Variants in LAMC2 observed in about 807,000 individuals in gnomAD.
LAMC2 encodes the protein laminin subunit gamma-2.
In LAMC2, 97 loss-of-function variants were observed where a neutral mutation model predicts 140.2. That is an observed-to-expected ratio of 0.69 (90% CI 0.59 to 0.82). LAMC2 has a LOEUF of 0.82. Ranked by LOEUF, LAMC2 falls within the 40% of genes least tolerant of loss-of-function variation. The pLI is 0.00. For missense variants in LAMC2, 1,402 were observed against 1,476.1 expected, an observed-to-expected ratio of 0.95 and a Z score of 0.82; for synonymous variants, 513 against 540.2, an observed-to-expected ratio of 0.95 and a Z score of 0.70.
In LAMC2 at chr1:183,227,657, G is replaced by A. The variant is rs748932576; in HGVS notation, c.1428G>A (p.Thr476=). 34 of 1,614,008 alleles carry A rather than the reference G, an allele frequency of 2.1e-5. No individual in the cohort carries two copies. The highest frequency in any genetic ancestry group is 1.9e-5 in the Non-Finnish European group (23 of 1,180,034). ...NGFSCSVMPE[T]EEVVCNNCPP... ...TCAGCTGCTCAGTGATGCCGGAGAC[G>A]GAGGAGGTGGTGTGCAATAACTGCC... Residue 476 remains threonine, a synonymous_variant, in exon 10 of 23, where the codon ACG becomes ACA. Coordinates refer to ENST00000264144, the MANE Select transcript of LAMC2 (RefSeq NM_005562.3).
chr1:183,208,973 C>G (rs1052712995), intron 2 of LAMC2, among the ~76,000 whole-genome samples: 15 of 149,600 alleles, frequency 1.0e-4, no homozygotes, highest in African/African-American at 3.7e-4. Context: ...GCCACCGCGC[C>G]TGGCTAGTTG....
At chr1:183,238,822 C>G (rs971207586) in intron 19 of LAMC2, among the ~76,000 whole-genome samples, 1 of 152,166 alleles carries the variant, frequency 6.6e-6, no homozygotes, top group Non-Finnish European at 1.5e-5. Flanking sequence ...CTGGTTGGTT[C>G]CAGTATGGAA....
chr1:183,240,192 A>G lies in LAMC2; in HGVS notation c.3222A>G (p.Val1074=). 2 of 1,614,262 alleles carry G rather than the reference A, an allele frequency of 1.2e-6. No homozygotes were observed. The highest frequency in any genetic ancestry group is 1.7e-6 in the Non-Finnish European group (2 of 1,180,044). ...ELEFDTNMDA[V]QMVITEAQKV... ...AGTTTGACACGAATATGGATGCAGT[A>G]CAGATGGTGAGTTCCTGTTGCTTTC... The change falls in exon 21 of 23, where the codon GTA becomes GTG. Residue 1074 remains valine, a synonymous_variant. Transcript: ENST00000264144.
At chr1:183,199,888 G>A (rs879625724) in intron 1 of LAMC2, among the ~76,000 whole-genome samples, 2 of 152,230 alleles carry the variant, frequency 1.3e-5, no homozygotes, top group Non-Finnish European at 2.9e-5. Flanking sequence ...GTGCAGCCTA[G>A]ATCTGTGCAT....
intron 21 of LAMC2, 47 bp downstream of exon 21, chr1:183,240,245 A>G (rs1463476874): frequency 1.2e-6 from 2 of 1,614,198 alleles, no homozygotes; most frequent in Admixed American, 1.7e-5. Context: ...AACTTGCCAA[A>G]ATGGAAAATA....
At position 183,232,795 on chromosome 1, in the gene LAMC2, C is replaced by G. The variant is rs753788452; in HGVS notation, c.2158C>G (p.His720Asp). 2.5e-6 allele frequency: 4 copies of G among 1,614,110 alleles called. No homozygotes were observed. The highest frequency in any genetic ancestry group is 3.4e-6 in the Non-Finnish European group (4 of 1,179,972). ...SQYQNRVRDT[H>D]RLITQMQLSL... is the part of the protein sequence containing the mutation. ...GTACCAGAACCGAGTTCGGGATACTCACAGGCTCATCACTCAGATGCAGCT... is the reference window on the plus strand; with the variant it reads ...GTACCAGAACCGAGTTCGGGATACTGACAGGCTCATCACTCAGATGCAGCT... The change falls in exon 14 of 23, where the codon CAC (histidine) becomes GAC (aspartate). Residue 720 changes from histidine (H) to aspartate (D), a missense_variant. Coordinates refer to ENST00000264144, the MANE Select transcript of LAMC2 (RefSeq NM_005562.3).
chr1:183,225,080 A>G (rs1172399844), intron 7 of LAMC2, among the ~76,000 whole-genome samples: 6 of 152,228 alleles, frequency 3.9e-5, no homozygotes, highest in Non-Finnish European at 8.8e-5. Flanking sequence ...AACAAAATTT[A>G]GAAGAACAGC....
At chr1:183,255,472 T>A in the LAMC2 span, among the ~76,000 whole-genome samples, 1 of 152,206 alleles carries the variant, frequency 6.6e-6, no homozygotes, top group Non-Finnish European at 1.5e-5. Flanking sequence ...ATTGGGATTT[T>A]GATAGGTATT....
At position 183,244,123 on chromosome 1, in the gene LAMC2, C is replaced by G. The variant is rs887978526; in HGVS notation, c.*723C>G. 6.6e-6 allele frequency: 1 copy of G among 152,220 alleles called. No homozygotes were observed. Among genetic ancestry groups the G allele is most frequent in the African/African-American group, 2.4e-5 (1 of 41,448 alleles). The allele number at this position is 152,220 out of a possible 1,614,324, so 9.4% of individuals were successfully genotyped here. A position where few individuals can be genotyped will look rare whatever the true frequency, so the allele number is the denominator to read the frequency against. On this transcript the variant is annotated 3_prime_UTR_variant, in exon 23 of 23. Transcript: ENST00000264144. Reference sequence around the variant, plus strand: ...CTTAGAGATTGCATTTTTATTAAAGCATTTCCTACCAGCAAAGCAAATGTT... The same window carrying G: ...CTTAGAGATTGCATTTTTATTAAAGGATTTCCTACCAGCAAAGCAAATGTT...
chr1:183,235,367 T>A (rs992426555), intron 15 of LAMC2, among the ~76,000 whole-genome samples: 17 of 152,178 alleles, frequency 1.1e-4, no homozygotes, highest in Non-Finnish European at 1.5e-4. Context: ...ACGGAAAAGA[T>A]CACTACAAGG....
In LAMC2 at chr1:183,222,189, C is replaced by T; in HGVS notation, c.741C>T (p.Asp247=). 4 of 1,614,004 alleles carry T rather than the reference C, an allele frequency of 2.5e-6. No individual in the cohort carries two copies. The highest frequency in any genetic ancestry group is 3.4e-6 in the Non-Finnish European group (4 of 1,179,906). The change falls in exon 6 of 23, where the codon GAC becomes GAT. Residue 247 remains aspartate (D), a synonymous_variant. Transcript: ENST00000264144. ...QDVFSSAQRL[D]PVYFVAPAKF... is the part of the protein sequence containing the mutation. Reference sequence around the variant, plus strand: ...TGTTTAGCTCAGCCCAACGACTAGACCCTGTCTATTTTGTGGCTCCTGGTA... The same window carrying T: ...TGTTTAGCTCAGCCCAACGACTAGATCCTGTCTATTTTGTGGCTCCTGGTA...
intron 1 of LAMC2, among the ~76,000 whole-genome samples, chr1:183,193,534 T>A (rs1482271160): frequency 6.6e-6 from 1 of 152,194 alleles, no homozygotes; most frequent in Non-Finnish European, 1.5e-5. Flanking sequence ...TTTCAAATCA[T>A]GGCCCATTTT....
chr1:183,215,354 T>C, intron 2 of LAMC2, 99 bp from the exon 3 acceptor site: 1 of 1,354,770 alleles, frequency 7.4e-7, no homozygotes. Context: ...TCTTACTTCG[T>C]GTTTACGGAG....
At chr1:183,247,174 T>A (rs1317271725), downstream of LAMC2, among the ~76,000 whole-genome samples, 2 of 151,988 alleles carry the variant, frequency 1.3e-5, no homozygotes, top group African/African-American at 2.4e-5. Flanking sequence ...TAACTGCGCA[T>A]GGTGGCAGGC....
rs1659220701 is a variant in LAMC2, at chr1:183,215,434, C to T, written c.269-19C>T. ...TATTTCTTCTTCTTCTTTCCTTTCC[C>T]CTACCTTGTGGGTTTCAGGTTCTCT... On this transcript the variant is annotated intron_variant, in intron 2 of 22. Coordinates refer to ENST00000264144, the MANE Select transcript of LAMC2 (RefSeq NM_005562.3). 6.2e-7 allele frequency: 1 copy of T among 1,613,896 alleles called. No individual in the cohort carries two copies. Among genetic ancestry groups the T allele is most frequent in the Non-Finnish European group, 8.5e-7 (1 of 1,179,960 alleles).
chr1:183,197,200 G>A (rs181055026), intron 1 of LAMC2, among the ~76,000 whole-genome samples: 1 of 152,284 alleles, frequency 6.6e-6, no homozygotes, highest in Admixed American at 6.5e-5. Context: ...AGTGGAGATG[G>A]ACTTGATTGG....
rs756576344 is a variant in LAMC2 at position 183,231,118 on chromosome 1, C to T, written c.1857+15C>T. 4.3e-6 allele frequency: 7 copies of T among 1,613,888 alleles called. No homozygotes were observed. The South Asian group carries it at 5.5e-5, about 13-fold the overall frequency. On this transcript the variant is annotated intron_variant, in intron 12 of 22. Coordinates refer to ENST00000264144, the MANE Select transcript of LAMC2 (RefSeq NM_005562.3). Reference sequence around the variant, plus strand: ...TGAAGATTCAGGTATGCATTCTTCCCCTTACCACCCCCAACCCCACAGAAT... The same window carrying T: ...TGAAGATTCAGGTATGCATTCTTCCTCTTACCACCCCCAACCCCACAGAAT...
chr1:183,235,567 C>G lies in LAMC2; in HGVS notation c.2301-8C>G. On this transcript the variant is annotated splice_region_variant and splice_polypyrimidine_tract_variant and intron_variant, in intron 15 of 22. Transcript: ENST00000264144. ...AAACTCTTATTCTTTTGTTTTTAAT[C>G]CTTTCAGCCACGTTGAGTCAGCCAG... The G allele has an allele frequency of 6.2e-7, 1 of 1,614,120 alleles. No individual in the cohort carries two copies.
chr1:183,195,325 C>T (rs1382084271), intron 1 of LAMC2, among the ~76,000 whole-genome samples: 1 of 152,066 alleles, frequency 6.6e-6, no homozygotes, highest in African/African-American at 2.4e-5. Context: ...TATGAACTCT[C>T]GGTGAAACAG....
Sources: gnomAD v4.1 joint callset for allele counts (sites outside exome capture counted in the v4.1 genomes callset) on GRCh38, gnomAD v4.1.1 for gene constraint, MANE v1.5 for transcripts, NCBI Gene and HGNC (gene_info 2026-07-23, HGNC 2026-07-21) for gene names.